Variants in LRRTM4 observed in about 807,000 individuals in gnomAD.
LRRTM4 encodes the protein leucine rich repeat transmembrane neuronal 4.
In LRRTM4, 25 loss-of-function variants were observed where a neutral mutation model predicts 47.6. That is an observed-to-expected ratio of 0.53 (90% CI 0.38 to 0.73). The LOEUF is 0.73. LRRTM4 is among the 30% of genes least tolerant of loss of function. The pLI, the probability that LRRTM4 is intolerant of heterozygous loss-of-function variation, is 0.00. For missense variants in LRRTM4, 638 were observed against 713.4 expected, an observed-to-expected ratio of 0.89 and a Z score of 1.20; for synonymous variants, 311 against 269.5, an observed-to-expected ratio of 1.15 and a Z score of -1.51.
chr2:77,278,965 T>C (rs981085953), intron 3 of LRRTM4, among the ~76,000 whole-genome samples: 1 of 151,960 alleles, frequency 6.6e-6, no homozygotes, highest in Non-Finnish European at 1.5e-5. Flanking sequence ...GTGATTATAA[T>C]AGGCAATGAT....
At chr2:77,274,697 T>G (rs1676295090) in intron 3 of LRRTM4, among the ~76,000 whole-genome samples, 1 of 152,128 alleles carries the variant, frequency 6.6e-6, no homozygotes. Flanking sequence ...GTACAATAGC[T>G]TTTGTGTTTT....
chr2:77,173,588 C>A (rs1488931475), intron 3 of LRRTM4, among the ~76,000 whole-genome samples: 1 of 152,140 alleles, frequency 6.6e-6, no homozygotes. Context: ...ACTCTCCTTC[C>A]ACTGTATACT....
intron 3 of LRRTM4, among the ~76,000 whole-genome samples, chr2:76,908,601 C>T: frequency 6.6e-6 from 1 of 152,126 alleles, no homozygotes; most frequent in Non-Finnish European, 1.5e-5. Flanking sequence ...ACCCCATTGT[C>T]TCAGCCCAAA....
rs1037893567 is a variant in LRRTM4 at position 76,908,202 on chromosome 2, T to A, written c.1552-159286A>T. On this transcript the variant is annotated intron_variant, in intron 3 of 3. Coordinates refer to ENST00000409884, the MANE Select transcript of LRRTM4 (RefSeq NM_001134745.3). ...GGCTGGTTCAATATACGCAAATCAA[T>A]AAATGTAATCCAGCATATAAACAGA... Among the ~76,000 whole-genome samples, 7 of 150,746 alleles carry A rather than the reference T, an allele frequency of 4.6e-5. 1 individual carries two copies. Among genetic ancestry groups the A allele is most frequent in the Non-Finnish European group, 3.0e-5 (2 of 67,554 alleles).
intron 3 of LRRTM4, among the ~76,000 whole-genome samples, chr2:76,972,504 GCCT>G (rs1268764748): frequency 7.2e-6 from 1 of 139,696 alleles, no homozygotes; most frequent in Non-Finnish European, 1.5e-5. Context: ...TGCAACCTCT[GCCT>G]CCTGAGTTCA....
At chr2:77,378,458 G>A (rs924902670) in intron 3 of LRRTM4, among the ~76,000 whole-genome samples, 9 of 151,682 alleles carry the variant, frequency 5.9e-5, no homozygotes, top group African/African-American at 2.2e-4. Context: ...TAAGATTTTG[G>A]GATCCATCAT....
intron 3 of LRRTM4, among the ~76,000 whole-genome samples, chr2:76,976,711 A>G (rs1187190661): frequency 6.6e-6 from 1 of 151,954 alleles, no homozygotes; most frequent in African/African-American, 2.4e-5. Flanking sequence ...CCGTGGAAAA[A>G]GGTTGGTTAA....
chr2:77,180,333 T>C (rs1673314182), intron 3 of LRRTM4, among the ~76,000 whole-genome samples: 1 of 152,142 alleles, frequency 6.6e-6, no homozygotes, highest in Admixed American at 6.6e-5. Context: ...ACATCCCTGC[T>C]GGTCTGTCTA....
chr2:77,425,850 T>G (rs982792529), intron 3 of LRRTM4, among the ~76,000 whole-genome samples: 9 of 151,886 alleles, frequency 5.9e-5, no homozygotes, highest in Middle Eastern at 3.2e-3. Context: ...GCGTGGGAGC[T>G]CACACCTGTA....
At chr2:76,843,693 T>C (rs1046008051) in intron 3 of LRRTM4, among the ~76,000 whole-genome samples, 2 of 152,034 alleles carry the variant, frequency 1.3e-5, no homozygotes, top group Non-Finnish European at 2.9e-5. Flanking sequence ...TCAAAATAAT[T>C]TGGAGGAAGG....
chr2:77,412,725 T>C (rs185189236), intron 3 of LRRTM4, among the ~76,000 whole-genome samples: 1 of 152,280 alleles, frequency 6.6e-6, no homozygotes, highest in Admixed American at 6.5e-5. Flanking sequence ...ATTTTCAATA[T>C]TATTCCACAC....
chr2:77,393,124 T>C (rs1673568841), intron 3 of LRRTM4, among the ~76,000 whole-genome samples: 1 of 152,050 alleles, frequency 6.6e-6, no homozygotes, highest in Non-Finnish European at 1.5e-5. Context: ...TTTCATCTTA[T>C]CTTGCTATCC....
chr2:77,018,570 G>T (rs892623040), intron 3 of LRRTM4, among the ~76,000 whole-genome samples: 5 of 151,992 alleles, frequency 3.3e-5, no homozygotes, highest in Non-Finnish European at 5.9e-5. Context: ...TGCATTTCTG[G>T]TGATAACATC....
At chr2:76,888,959 A>G (rs564307948) in intron 3 of LRRTM4, among the ~76,000 whole-genome samples, 1 of 152,034 alleles carries the variant, frequency 6.6e-6, no homozygotes, top group South Asian at 2.1e-4. Context: ...TAAAACAGAC[A>G]TATTTCAACA....
chr2:77,147,206 C>G (rs149234916), intron 3 of LRRTM4, among the ~76,000 whole-genome samples: 128 of 152,258 alleles, frequency 8.4e-4, no homozygotes, highest in African/African-American at 2.6e-3. Flanking sequence ...CAGTTCATTG[C>G]TAATACAGTA....
intron 3 of LRRTM4, among the ~76,000 whole-genome samples, chr2:77,202,844 T>G (rs915468973): frequency 8.5e-5 from 13 of 152,248 alleles, no homozygotes; most frequent in African/African-American, 3.1e-4. Context: ...TTGGAGACTT[T>G]GCCTAAAAAG....
rs565863791 is a variant in LRRTM4 at position 77,376,357 on chromosome 2, A to G, written c.1551+141961T>C. Among the ~76,000 whole-genome samples the G allele has an allele frequency of 4.0e-4, 60 of 151,688 alleles. 1 individual carries two copies. Among genetic ancestry groups the G allele is most frequent in the Non-Finnish European group, 2.1e-4 (14 of 67,812 alleles). ...TTACATTTGTCACAAGTGAGAAACC[A>G]GTATTGCTATGCTACTATTAACTAA... On this transcript the variant is annotated intron_variant, in intron 3 of 3. Transcript: ENST00000409884.
intron 3 of LRRTM4, among the ~76,000 whole-genome samples, chr2:76,828,688 C>G (rs1056064175): frequency 1.3e-5 from 2 of 151,920 alleles, no homozygotes; most frequent in African/African-American, 2.4e-5. Flanking sequence ...TGAAAAGGCA[C>G]TTTAATTAAT....
intron 3 of LRRTM4, among the ~76,000 whole-genome samples, chr2:77,358,743 G>A (rs147811109): frequency 0.011 from 1,668 of 152,088 alleles, 18 homozygotes; most frequent in Non-Finnish European, 0.017. Flanking sequence ...TTATGGCTTC[G>A]GTAACAGATA....
Sources: gnomAD v4.1 joint callset for allele counts (sites outside exome capture counted in the v4.1 genomes callset) on GRCh38, gnomAD v4.1.1 for gene constraint, MANE v1.5 for transcripts, NCBI Gene and HGNC (gene_info 2026-07-23, HGNC 2026-07-21) for gene names.